Variants in SCLT1 observed in about 807,000 individuals in gnomAD.
The protein encoded by SCLT1 is sodium channel-associated protein 1.
SCLT1 carries 78 observed loss-of-function variants against 112.8 expected under a neutral mutation model. That is an observed-to-expected ratio of 0.69 (90% CI 0.58 to 0.83). SCLT1 has a LOEUF of 0.83. Ranked by LOEUF, SCLT1 falls within the 40% of genes least tolerant of loss-of-function variation. The probability of loss-of-function intolerance (pLI) is 0.00; values close to 1 mark genes in which losing one functional copy is unlikely to be tolerated. For missense variants in SCLT1, 747 were observed against 770.4 expected (o/e 0.97, Z 0.36); for synonymous variants, 257 against 254.7 (o/e 1.01, Z -0.09).
At chr4:129,017,902 T>C (rs1032467494) in intron 5 of SCLT1, among the ~76,000 whole-genome samples, 3 of 152,240 alleles carry the variant, frequency 2.0e-5, no homozygotes, top group Non-Finnish European at 2.9e-5. Flanking sequence ...AAAAAGTCAA[T>C]CTTACTGATT....
At chr4:128,942,029 G>T (rs1560869130) in intron 17 of SCLT1, among the ~76,000 whole-genome samples, 3 of 152,006 alleles carry the variant, frequency 2.0e-5, no homozygotes, top group South Asian at 4.1e-4. Flanking sequence ...ATAACACATT[G>T]TCTAAATTAT....
chr4:129,001,773 AC>A (rs776538387), intron 6 of SCLT1, among the ~76,000 whole-genome samples: 3 of 151,988 alleles, frequency 2.0e-5, no homozygotes, highest in Non-Finnish European at 4.4e-5. Context: ...ACTACACAGC[AC>A]CTTTTGTACA....
chr4:129,025,704 A>G (rs1481515930), intron 5 of SCLT1, among the ~76,000 whole-genome samples: 1 of 152,186 alleles, frequency 6.6e-6, no homozygotes, highest in Non-Finnish European at 1.5e-5. Context: ...TAACAATATT[A>G]ACTTTAAATG....
intron 20 of SCLT1, among the ~76,000 whole-genome samples, chr4:128,888,241 G>C (rs1733039264): frequency 1.3e-5 from 2 of 151,166 alleles, no homozygotes. Context: ...TACAGAGTGA[G>C]GGTCTCACTC....
intron 5 of SCLT1, among the ~76,000 whole-genome samples, chr4:129,021,503 G>A (rs1229208031): frequency 2.6e-5 from 4 of 152,154 alleles, no homozygotes; most frequent in Admixed American, 1.3e-4. Context: ...GCTTGGTTGC[G>A]GGAGGGGCAT....
intron 17 of SCLT1, among the ~76,000 whole-genome samples, chr4:128,939,406 C>A (rs1032996628): frequency 6.6e-6 from 1 of 152,182 alleles, no homozygotes; most frequent in Non-Finnish European, 1.5e-5. Context: ...ATTCGAATTA[C>A]TACCTAAATT....
chr4:129,033,793 G>C (rs1173039082), intron 5 of SCLT1, among the ~76,000 whole-genome samples: 1 of 152,026 alleles, frequency 6.6e-6, no homozygotes, highest in South Asian at 2.1e-4. Flanking sequence ...CTTAAGACTA[G>C]TAACAAAATG....
At chr4:129,018,936 T>G (rs1745218245) in intron 5 of SCLT1, among the ~76,000 whole-genome samples, 1 of 152,140 alleles carries the variant, frequency 6.6e-6, no homozygotes, top group Non-Finnish European at 1.5e-5. Flanking sequence ...TCTGATTAAA[T>G]TTTTTAAAAA....
At chr4:129,092,258 A>G (rs1052858759) in intron 1 of SCLT1, among the ~76,000 whole-genome samples, 1 of 152,150 alleles carries the variant, frequency 6.6e-6, no homozygotes, top group East Asian at 1.9e-4. Context: ...CCATTTCCCT[A>G]TATAAATATT....
chr4:129,011,472 G>A (rs1387305482), intron 5 of SCLT1, among the ~76,000 whole-genome samples: 1 of 152,102 alleles, frequency 6.6e-6, no homozygotes, highest in Non-Finnish European at 1.5e-5. Context: ...CTATGTGCCT[G>A]TTTTTGTACC....
intron 14 of SCLT1, among the ~76,000 whole-genome samples, chr4:128,949,217 G>GTTTT (rs77768210): frequency 7.9e-5 from 8 of 100,708 alleles, no homozygotes; most frequent in African/African-American, 1.1e-4. Context: ...TGTATGGCTT[G>GTTTT]TTTTTTTTTT....
At chr4:128,964,807 G>C (rs1030780928) in intron 11 of SCLT1, among the ~76,000 whole-genome samples, 1 of 151,890 alleles carries the variant, frequency 6.6e-6, no homozygotes. Context: ...GGTTACTGAG[G>C]GTCAACTATG....
At chr4:129,090,409 A>T (rs1266646400) in intron 1 of SCLT1, among the ~76,000 whole-genome samples, 1 of 152,190 alleles carries the variant, frequency 6.6e-6, no homozygotes, top group Non-Finnish European at 1.5e-5. Flanking sequence ...CCAATGCAAG[A>T]AAGTGGCCTG....
intron 2 of SCLT1, among the ~76,000 whole-genome samples, chr4:129,069,857 C>T (rs970247393): frequency 6.6e-6 from 1 of 152,100 alleles, no homozygotes; most frequent in African/African-American, 2.4e-5. Flanking sequence ...ATGCTTTCCA[C>T]TTTTCCCCAT....
chr4:129,052,535 C>T (rs1748904827), intron 2 of SCLT1, among the ~76,000 whole-genome samples: 1 of 151,418 alleles, frequency 6.6e-6, no homozygotes, highest in Non-Finnish European at 1.5e-5. Flanking sequence ...ATAGTATTCT[C>T]TCATGGTAGT....
chr4:128,948,849 C>T (rs1412580124), intron 14 of SCLT1, among the ~76,000 whole-genome samples: 1 of 152,096 alleles, frequency 6.6e-6, no homozygotes, highest in Non-Finnish European at 1.5e-5. Context: ...CTTTCTCATA[C>T]TATAGATTTT....
intron 20 of SCLT1, among the ~76,000 whole-genome samples, chr4:128,887,429 A>T (rs575426182): frequency 1.3e-5 from 2 of 152,288 alleles, no homozygotes; most frequent in Non-Finnish European, 2.9e-5. Context: ...AAATATCATG[A>T]ACATAAACTG....
chr4:129,025,554 A>C (rs1745975755), intron 5 of SCLT1, among the ~76,000 whole-genome samples: 1 of 152,268 alleles, frequency 6.6e-6, no homozygotes, highest in East Asian at 1.9e-4. Context: ...AGGAAGCACT[A>C]AACATGGAAA....
chr4:129,038,743 G>C (rs1197110722), intron 5 of SCLT1, among the ~76,000 whole-genome samples: 1 of 151,868 alleles, frequency 6.6e-6, no homozygotes, highest in African/African-American at 2.4e-5. Context: ...TGCTAATATT[G>C]GTAAGGTGAT....
Sources: allele counts gnomAD v4.1 joint callset (sites outside exome capture counted in the v4.1 genomes callset), GRCh38; gene constraint gnomAD v4.1.1; transcripts MANE v1.5; gene names NCBI Gene and HGNC (gene_info 2026-07-23, HGNC 2026-07-21).